The following LRRC49 variants were observed in gnomAD, a reference collection of about 807,000 sequenced individuals.
The protein encoded by LRRC49 is leucine rich repeat containing 49.
Under a neutral mutation model 83.3 loss-of-function variants are expected in LRRC49, and 50 were observed. The ratio of observed to expected loss-of-function variants is 0.60; its 90% CI spans 0.48 to 0.76. The LOEUF is 0.76. LRRC49 is among the 30% of genes least tolerant of loss of function. LRRC49 has a pLI of 0.00. For synonymous variants in LRRC49, 286 were observed against 283.3 expected (o/e 1.01, Z -0.10); for missense variants, 704 against 809.1 (o/e 0.87, Z 1.58).
At position 71,050,651 on chromosome 15, in the gene LRRC49, A is replaced by T. The variant is rs1307504007; in HGVS notation, c.*1039A>T. 2 of 152,174 alleles carry T rather than the reference A, an allele frequency of 1.3e-5. No homozygotes were observed. Among genetic ancestry groups the T allele is most frequent in the Non-Finnish European group, 2.9e-5 (2 of 68,030 alleles). The allele number at this position is 152,174 out of a possible 1,614,324, so 9.4% of individuals were successfully genotyped here. On this transcript the variant is annotated 3_prime_UTR_variant, in exon 16 of 16. Transcript: ENST00000260382. Reference sequence around the variant, plus strand: ...ATGGGAAAACAGGACTAGAAGATGTACGACAGCAAAGACATGCAGAGACAT... The same window carrying T: ...ATGGGAAAACAGGACTAGAAGATGTTCGACAGCAAAGACATGCAGAGACAT...
At chr15:71,021,179 C>T (rs550786167) in intron 14 of LRRC49, among the ~76,000 whole-genome samples, 29 of 152,182 alleles carry the variant, frequency 1.9e-4, no homozygotes, top group Non-Finnish European at 3.7e-4. Flanking sequence ...TATAGATCAA[C>T]AGTAACAACA....
chr15:71,047,757 AT>A (rs905179480), intron 15 of LRRC49, among the ~76,000 whole-genome samples: 8 of 151,706 alleles, frequency 5.3e-5, no homozygotes, highest in African/African-American at 1.7e-4. Flanking sequence ...GATTTTTAGG[AT>A]TTCATTTGTT....
At chr15:70,891,987 C>A (rs971183661), upstream of LRRC49, 6 of 1,613,260 alleles carry the variant, frequency 3.7e-6, no homozygotes, top group Non-Finnish European at 5.1e-6. Flanking sequence ...CTCTTAGGTG[C>A]CGGGGCGGGC....
At chr15:70,953,140 G>A (rs2036279773) in intron 8 of LRRC49, among the ~76,000 whole-genome samples, 1 of 152,102 alleles carries the variant, frequency 6.6e-6, no homozygotes, top group South Asian at 2.1e-4. Context: ...TTCAGGGTCG[G>A]TATTGGACTG....
At position 71,033,891 on chromosome 15, in the gene LRRC49, T is replaced by C. The variant is rs139919857; in HGVS notation, c.1704-3288T>C. 6.8e-4 allele frequency among the ~76,000 whole-genome samples: 104 copies of C among 152,162 alleles called. No homozygotes were observed. In the East Asian group the frequency reaches 0.019, roughly 28 times the overall value. On this transcript the variant is annotated intron_variant, in intron 14 of 15. Transcript: ENST00000260382. Reference sequence around the variant, plus strand: ...ACACCTTACACAAAAATTCTCAAGATAGATTAAAGACTTAAATGTAAAACC... The same window carrying C: ...ACACCTTACACAAAAATTCTCAAGACAGATTAAAGACTTAAATGTAAAACC...
At chr15:71,003,198 G>A (rs557947680) in intron 11 of LRRC49, among the ~76,000 whole-genome samples, 4 of 151,992 alleles carry the variant, frequency 2.6e-5, no homozygotes, top group African/African-American at 9.6e-5. Flanking sequence ...GCCTCCCAGA[G>A]TGCTGGGATT....
chr15:70,902,276 A>G (rs1236208165), intron 4 of LRRC49, among the ~76,000 whole-genome samples: 4 of 152,162 alleles, frequency 2.6e-5, no homozygotes, highest in African/African-American at 9.7e-5. Context: ...AGGAGCCAGT[A>G]TTTGTAAGAC....
At chr15:70,899,680 C>T (rs972918051) in intron 3 of LRRC49, among the ~76,000 whole-genome samples, 3 of 152,094 alleles carry the variant, frequency 2.0e-5, no homozygotes, top group African/African-American at 7.2e-5. Flanking sequence ...TGCCTTATAG[C>T]TTTTTAATAT....
At position 70,862,566 on chromosome 15, in the gene LRRC49, A is replaced by G. The variant is rs532715168; in HGVS notation, c.-299+9097A>G. On this transcript the variant is annotated intron_variant, in intron 1 of 16. Transcript: ENST00000544974. ...GCCCTCCAGCCTGGGCGACAGAGCA[A>G]GACTCCGTCTCAAAAAAAAAAAAAA... 1.0e-3 allele frequency among the ~76,000 whole-genome samples: 139 copies of G among 135,018 alleles called. 1 individual carries two copies. The highest frequency in any genetic ancestry group is 1.6e-3 in the Non-Finnish European group (99 of 63,572). The allele number at this position is 135,018 out of a possible 152,430, so 88.6% of individuals were successfully genotyped here. A position where few individuals can be genotyped will look rare whatever the true frequency, so the allele number is the denominator to read the frequency against.
chr15:71,001,516 A>G (rs976512907), intron 11 of LRRC49, among the ~76,000 whole-genome samples: 1 of 152,044 alleles, frequency 6.6e-6, no homozygotes, highest in African/African-American at 2.4e-5. Context: ...ATCCTTCTTC[A>G]TCACTTAACA....
chr15:70,961,035 A>G (rs1471100940), intron 8 of LRRC49, among the ~76,000 whole-genome samples: 1 of 152,222 alleles, frequency 6.6e-6, no homozygotes, highest in East Asian at 1.9e-4. Flanking sequence ...TATATATCTA[A>G]TAAAAGACTT....
chr15:71,027,938 C>A (rs112612245), intron 14 of LRRC49, among the ~76,000 whole-genome samples: 12 of 152,296 alleles, frequency 7.9e-5, no homozygotes, highest in African/African-American at 2.6e-4. Flanking sequence ...CACTTTATTT[C>A]TTTCTCTTGC....
At chr15:71,012,322 T>C (rs1394984003) in intron 13 of LRRC49, among the ~76,000 whole-genome samples, 1 of 152,086 alleles carries the variant, frequency 6.6e-6, no homozygotes. Context: ...AGGAGCATCC[T>C]TGCTAATTCA....
intron 15 of LRRC49, among the ~76,000 whole-genome samples, chr15:71,043,314 A>G (rs1235969448): frequency 1.3e-5 from 2 of 152,204 alleles, no homozygotes; most frequent in Non-Finnish European, 2.9e-5. Flanking sequence ...TTCCCAAACC[A>G]TCTTCATAAC....
chr15:70,955,107 G>A (rs1298472872), intron 8 of LRRC49, among the ~76,000 whole-genome samples: 1 of 152,124 alleles, frequency 6.6e-6, no homozygotes, highest in African/African-American at 2.4e-5. Flanking sequence ...TGGAAATGCC[G>A]CAGGCAGGAG....
chr15:70,978,810 G>T (rs1475090265), intron 9 of LRRC49, among the ~76,000 whole-genome samples: 1 of 152,156 alleles, frequency 6.6e-6, no homozygotes, highest in African/African-American at 2.4e-5. Flanking sequence ...TGATAGAGAA[G>T]TATGTAGGGT....
At chr15:71,025,719 CAG>C (rs1370834886) in intron 14 of LRRC49, among the ~76,000 whole-genome samples, 1 of 125,378 alleles carries the variant, frequency 8.0e-6, no homozygotes, top group Admixed American at 7.9e-5. Context: ...AAAAAAAAAA[CAG>C]GGGTTGCAAT....
At chr15:70,942,033 ATGTGTGTGTGTG>A (rs34818331) in intron 8 of LRRC49, among the ~76,000 whole-genome samples, 25 of 144,182 alleles carry the variant, frequency 1.7e-4, no homozygotes, top group African/African-American at 4.6e-4. Flanking sequence ...TGTAAAGGTT[ATGTGTGTGTGTG>A]TGTGTGTGTG....
intron 11 of LRRC49, among the ~76,000 whole-genome samples, chr15:71,005,416 T>C (rs1282368729): frequency 6.6e-6 from 1 of 152,166 alleles, no homozygotes; most frequent in Admixed American, 6.6e-5. Flanking sequence ...TTGAGAGCTC[T>C]TTGAGGGCAA....
Sources: allele counts gnomAD v4.1 joint callset (sites outside exome capture counted in the v4.1 genomes callset), GRCh38; gene constraint gnomAD v4.1.1; transcripts MANE v1.5; gene names NCBI Gene and HGNC (gene_info 2026-07-23, HGNC 2026-07-21).